Variants in SLC12A4 observed in about 807,000 individuals in gnomAD.
The protein encoded by SLC12A4 is electroneutral potassium-chloride cotransporter 1.
In SLC12A4, 84 loss-of-function variants were observed where a neutral mutation model predicts 119.2. The observed-to-expected ratio is 0.70, with a 90% CI of 0.59 to 0.85. The LOEUF (loss-of-function observed/expected upper bound fraction) is 0.85. Ranked by LOEUF, SLC12A4 falls within the 40% of genes least tolerant of loss-of-function variation. The pLI is 0.00. For missense variants in SLC12A4, 1,298 were observed against 1,476.3 expected (o/e 0.88, Z 1.98); for synonymous variants, 599 against 604.6 (o/e 0.99, Z 0.14).
At chr16:67,947,220 A>G in intron 16 of SLC12A4, 111 bp downstream of exon 16, 3 of 1,493,428 alleles carry the variant, frequency 2.0e-6, no homozygotes, top group Non-Finnish European at 2.7e-6. Context: ...ATGGCCCAGG[A>G]GGGTGCCCCG....
chr16:67,959,611 C>A (rs1484302045), intron 3 of SLC12A4, among the ~76,000 whole-genome samples: 1 of 152,236 alleles, frequency 6.6e-6, no homozygotes, highest in East Asian at 1.9e-4. Flanking sequence ...GGATCCCCCT[C>A]ATCTGGGCTT....
intron 6 of SLC12A4, among the ~76,000 whole-genome samples, chr16:67,952,703 C>T (rs1218530096): frequency 1.3e-5 from 2 of 151,682 alleles, no homozygotes; most frequent in Admixed American, 6.6e-5. Flanking sequence ...GCAGGAGGAT[C>T]GCCTGAATCC....
At chr16:67,947,832 C>T (rs1263502346) in intron 14 of SLC12A4, 44 bp from the exon 15 acceptor site, 34 of 1,550,518 alleles carry the variant, frequency 2.2e-5, no homozygotes, top group Non-Finnish European at 2.8e-5. Context: ...ACCAGGAGGA[C>T]CCCTGGCCAC....
At chr16:67,967,728 T>A (rs1185795070) in intron 1 of SLC12A4, among the ~76,000 whole-genome samples, 1 of 152,196 alleles carries the variant, frequency 6.6e-6, no homozygotes, top group East Asian at 1.9e-4. Context: ...CAGGCTTGAC[T>A]GCCCCTGGGC....
chr16:67,968,302 C>G, intron 1 of SLC12A4, 137 bp downstream of exon 1: 1 of 723,048 alleles, frequency 1.4e-6, no homozygotes, highest in Non-Finnish European at 2.0e-6. Context: ...GTGGCAGCGG[C>G]GCGGTCCAAA....
intron 1 of SLC12A4, chr16:67,966,981 G>GC: frequency 1.7e-6 from 2 of 1,164,956 alleles, no homozygotes; most frequent in African/African-American, 1.6e-5. Context: ...ACTGGTCCAG[G>GC]CTGATCCTGG....
chr16:67,954,850 C>T lies in SLC12A4; in HGVS notation c.545-77G>A, dbSNP rs77549478. 20,479 of 1,575,656 alleles carry T rather than the reference C, an allele frequency of 0.013. 1,007 individuals are homozygous for T. The African/African-American group carries it at 0.15, about 12-fold the overall frequency. On this transcript the variant is annotated intron_variant, in intron 5 of 23. Transcript: ENST00000316341. ...GGGGTCTCCCTGTGACAAGCCTGCA[C>T]AACCACCCAGAGGGACAGGGACTGC...
Position 67,951,811 on chromosome 16 carries a change from G to A in SLC12A4, c.1132+12C>T, listed in dbSNP as rs2029921886. Reference sequence around the variant, plus strand: ...TGGGCTCAAGAGCAAGACGACGGGAGGGAGGACCCACCCTGGAGCACACCA... The same window carrying A: ...TGGGCTCAAGAGCAAGACGACGGGAAGGAGGACCCACCCTGGAGCACACCA... On this transcript the variant is annotated intron_variant, in intron 8 of 23. Coordinates refer to ENST00000316341, the MANE Select transcript of SLC12A4 (RefSeq NM_005072.5). The surrounding 1 kb of genome is among the most constrained non-coding windows in gnomAD (Gnocchi z 5.2). 1.9e-6 allele frequency: 3 copies of A among 1,606,262 alleles called. No homozygotes were observed. Among genetic ancestry groups the A allele is most frequent in the Non-Finnish European group, 1.7e-6 (2 of 1,176,376 alleles).
Position 67,951,349 on chromosome 16 carries a change from C to T in SLC12A4, c.1133-45G>A, listed in dbSNP as rs747605662. On this transcript the variant is annotated intron_variant, in intron 8 of 23. Transcript: ENST00000316341. This position sits in a 1 kb window ranked among gnomAD's most constrained non-coding sequence, Gnocchi z 5.2. ...ACCACCACAGCTGCCCCCCACTACC[C>T]CAGGTAGTTTGGGGCAGCCTAGCCA... 3.2e-6 allele frequency: 5 copies of T among 1,583,074 alleles called. No individual in the cohort carries two copies. In the South Asian group the frequency reaches 3.4e-5, roughly 11 times the overall value.
chr16:67,946,848 C>A, intron 17 of SLC12A4, 89 bp downstream of exon 17: 1 of 1,456,872 alleles, frequency 6.9e-7, no homozygotes, highest in Non-Finnish European at 9.3e-7. Context: ...TGGCTGGCCA[C>A]CCTGGCCAAG....
In SLC12A4 at chr16:67,949,852, C is replaced by G. The variant is rs370860994; in HGVS notation, c.1696G>C (p.Glu566Gln). Residue 566 changes from glutamate to glutamine, a missense_variant, in exon 13 of 24, where the codon GAG becomes CAG. Physicochemically the swap from Glu to Gln is conservative, Grantham distance 29 (BLOSUM62 2). Coordinates refer to ENST00000316341, the MANE Select transcript of SLC12A4 (RefSeq NM_005072.5). The surrounding 1 kb of genome is among the most constrained non-coding windows in gnomAD (Gnocchi z 4.6). The part of the protein sequence containing the change: ...WALLLTALIA[E>Q]LGILIASLDM... Reference sequence around the variant, plus strand: ...AGGGAGGCGATGAGGATGCCCAGCTCGGCGATGAGTGCCGTCAGGAGGAGT... The same window carrying G: ...AGGGAGGCGATGAGGATGCCCAGCTGGGCGATGAGTGCCGTCAGGAGGAGT... 1.2e-6 allele frequency: 2 copies of G among 1,610,304 alleles called. No homozygotes were observed. The highest frequency in any genetic ancestry group is 1.7e-6 in the Non-Finnish European group (2 of 1,178,428).
intron 3 of SLC12A4, among the ~76,000 whole-genome samples, chr16:67,960,274 C>T (rs2030491939): frequency 6.6e-6 from 1 of 152,218 alleles, no homozygotes; most frequent in Admixed American, 6.5e-5. Flanking sequence ...GATCCTGTCA[C>T]CCACTGTGGG....
At chr16:67,956,074 G>A (rs1163788434) in intron 5 of SLC12A4, among the ~76,000 whole-genome samples, 2 of 152,148 alleles carry the variant, frequency 1.3e-5, no homozygotes, top group Admixed American at 1.3e-4. Flanking sequence ...CTACTCGGGC[G>A]GCTGAGGCAG....
chr16:67,945,871 G>A lies in SLC12A4; in HGVS notation c.2740C>T (p.His914Tyr), dbSNP rs753019718. The change falls in exon 21 of 24, where the codon CAT becomes TAT. Residue 914 changes from histidine to tyrosine, a missense_variant and splice_region_variant. Physicochemically the swap from His to Tyr is moderately conservative, Grantham distance 83. Transcript: ENST00000316341. The part of the protein sequence containing the change: ...LEAEVEVVEM[H>Y]NSDISAYTYE... ...GTGTATGCAGAGATGTCACTGTTATGCTGGGGACAGGGTTGGCCGTGAGGA... is the reference window on the plus strand; with the variant it reads ...GTGTATGCAGAGATGTCACTGTTATACTGGGGACAGGGTTGGCCGTGAGGA... The A allele has an allele frequency of 1.2e-6, 2 of 1,614,050 alleles. No homozygotes were observed. Among genetic ancestry groups the A allele is most frequent in the Non-Finnish European group, 1.7e-6 (2 of 1,180,008 alleles).
Position 67,952,191 on chromosome 16 carries a change from C to A in SLC12A4, c.910G>T (p.Val304Leu). Residue 304 changes from valine (V) to leucine (L), a missense_variant, in exon 7 of 24, where the codon GTG becomes TTG. Val to Leu is a conservative substitution (Grantham distance 32). Coordinates refer to ENST00000316341, the MANE Select transcript of SLC12A4 (RefSeq NM_005072.5). Reference protein sequence around the residue: ...GGIKSIFDPPVFPVCMLGNRT... With the variant: ...GGIKSIFDPPLFPVCMLGNRT... Reference sequence around the variant, plus strand: ...AATTCCTGGGTTACTTACGGAAACACGGGAGGGTCAAATATAGACTTTATG... The same window carrying A: ...AATTCCTGGGTTACTTACGGAAACAAGGGAGGGTCAAATATAGACTTTATG... The A allele has an allele frequency of 4.3e-6, 7 of 1,613,842 alleles. No individual in the cohort carries two copies. The highest frequency in any genetic ancestry group is 5.9e-6 in the Non-Finnish European group (7 of 1,179,886).
rs550402500 is a variant in SLC12A4 at position 67,956,691 on chromosome 16, A to C, written c.544+1051T>G. Among the ~76,000 whole-genome samples the C allele has an allele frequency of 3.9e-5, 6 of 152,144 alleles. No individual in the cohort carries two copies. In the East Asian group the frequency reaches 7.7e-4, roughly 20 times the overall value. On this transcript the variant is annotated intron_variant, in intron 5 of 23. Transcript: ENST00000316341. ...AGAGAGAGACTCTGTCTCAAAAAAA[A>C]CCCAAAAAACCAAAATCAAAAAACT...
chr16:67,954,221 T>C, intron 6 of SLC12A4: 3 of 340,912 alleles, frequency 8.8e-6, no homozygotes, highest in Admixed American at 3.9e-5. Flanking sequence ...CTGCTTACCC[T>C]GATTGAAGGA....
rs150682787 is a variant in SLC12A4 at position 67,961,781 on chromosome 16, C to T, written c.211-75G>A. 221 of 1,584,900 alleles carry T rather than the reference C, an allele frequency of 1.4e-4. 3 individuals are homozygous for T. In the African/African-American group the frequency reaches 2.4e-3, roughly 17 times the overall value. On this transcript the variant is annotated intron_variant, in intron 2 of 23. Coordinates refer to ENST00000316341, the MANE Select transcript of SLC12A4 (RefSeq NM_005072.5). ...GCTGTGTGGAGCCAGCTGCCTGGTC[C>T]CTGGCCCTGTTCCAAGCCCTGAGAC...
Position 67,950,901 on chromosome 16 carries a change from G to A in SLC12A4, c.1396+61C>T, listed in dbSNP as rs116856853. The A allele has an allele frequency of 0.037, 58,067 of 1,563,492 alleles. 1,291 individuals are homozygous for A. The highest frequency in any genetic ancestry group is 0.1 in the Middle Eastern group (608 of 5,958). On this transcript the variant is annotated intron_variant, in intron 10 of 23. Coordinates refer to ENST00000316341, the MANE Select transcript of SLC12A4 (RefSeq NM_005072.5). This position sits in a 1 kb window ranked among gnomAD's most constrained non-coding sequence, Gnocchi z 4.3. ...GTGTCTGTGCATGTGACCTGGCAAC[G>A]TACACAGGCCAAGCGCTTCCCGTCC...
Sources: gnomAD v4.1 joint callset for allele counts (sites outside exome capture counted in the v4.1 genomes callset) on GRCh38, gnomAD v4.1.1 for gene constraint, Gnocchi (gnomAD v3.1) non-coding constraint, MANE v1.5 for transcripts, NCBI Gene and HGNC (gene_info 2026-07-23, HGNC 2026-07-21) for gene names.